NEDD9: variants seen among roughly 807,000 people sequenced by gnomAD.
NEDD9 encodes the protein neural precursor cell expressed, developmentally down-regulated 9, also known as enhancer of filamentation 1.
Under a neutral mutation model 76.6 loss-of-function variants are expected in NEDD9, and 26 were observed. The observed-to-expected ratio is 0.34, with a 90% CI of 0.25 to 0.47. NEDD9 has a LOEUF of 0.47. NEDD9 is among the 20% of genes least tolerant of loss of function. The probability of loss-of-function intolerance (pLI) is 1.00; values close to 1 mark genes in which losing one functional copy is unlikely to be tolerated. For missense variants in NEDD9, 937 were observed against 1,058.5 expected, an observed-to-expected ratio of 0.89 and a Z score of 1.59; for synonymous variants, 392 against 414.2, an observed-to-expected ratio of 0.95 and a Z score of 0.65.
chr6:11,348,579 C>T (rs913715228), intron 1 of NEDD9, among the ~76,000 whole-genome samples: 9 of 152,128 alleles, frequency 5.9e-5, no homozygotes, highest in Admixed American at 3.9e-4. Context: ...AAAACAGACA[C>T]GCAGGCCAAT....
At chr6:11,308,665 G>A (rs957494485) in intron 2 of NEDD9, among the ~76,000 whole-genome samples, 1 of 152,034 alleles carries the variant, frequency 6.6e-6, no homozygotes, top group African/African-American at 2.4e-5. Flanking sequence ...CACCGCGCCC[G>A]GCCGGGACAT....
chr6:11,309,997 G>T (rs1239474448), intron 2 of NEDD9, among the ~76,000 whole-genome samples: 1 of 151,926 alleles, frequency 6.6e-6, no homozygotes, highest in Non-Finnish European at 1.5e-5. Context: ...CTGATCCAGG[G>T]GATACATCGA....
intron 1 of NEDD9, among the ~76,000 whole-genome samples, chr6:11,226,164 C>A (rs531422069): frequency 6.6e-6 from 1 of 152,278 alleles, no homozygotes; most frequent in East Asian, 1.9e-4. Context: ...GTGGAATCCT[C>A]ATTAGCCAGC....
At chr6:11,359,598 C>T (rs1002057095) in intron 1 of NEDD9, among the ~76,000 whole-genome samples, 29 of 152,254 alleles carry the variant, frequency 1.9e-4, no homozygotes, top group African/African-American at 7.0e-4. Context: ...TTCTAGACAT[C>T]TTCCTTTAGA....
intron 1 of NEDD9, among the ~76,000 whole-genome samples, chr6:11,359,662 T>C (rs977290976): frequency 2.0e-5 from 3 of 152,262 alleles, no homozygotes; most frequent in Non-Finnish European, 2.9e-5. Context: ...CCGCCATGGT[T>C]AAGGCAGAAT....
chr6:11,373,967 C>A (rs533689934), intron 1 of NEDD9, among the ~76,000 whole-genome samples: 2 of 152,186 alleles, frequency 1.3e-5, no homozygotes, highest in Non-Finnish European at 2.9e-5. Context: ...CTTCCCTGAT[C>A]TCCAGCTTGC....
At chr6:11,357,450 A>G (rs1485802445) in intron 1 of NEDD9, among the ~76,000 whole-genome samples, 1 of 152,188 alleles carries the variant, frequency 6.6e-6, no homozygotes, top group Non-Finnish European at 1.5e-5. Context: ...TCTCAAGGCT[A>G]GGCACACCCC....
chr6:11,366,557 GC>G (rs1762774959), intron 1 of NEDD9, among the ~76,000 whole-genome samples: 1 of 152,280 alleles, frequency 6.6e-6, no homozygotes, highest in African/African-American at 2.4e-5. Flanking sequence ...TCATGGGATA[GC>G]CATTAGAGGT....
chr6:11,233,017 G>A (rs1454984040), upstream of NEDD9, among the ~76,000 whole-genome samples: 2 of 152,050 alleles, frequency 1.3e-5, no homozygotes, highest in African/African-American at 4.8e-5. Flanking sequence ...CTGTGACCTA[G>A]CAACTCCTTC....
At chr6:11,210,467 C>T (rs1758751329) in intron 2 of NEDD9, among the ~76,000 whole-genome samples, 1 of 152,030 alleles carries the variant, frequency 6.6e-6, no homozygotes. Flanking sequence ...AGAAAATGAG[C>T]AAATTGCTTT....
At chr6:11,346,483 C>CG (rs553798124) in intron 1 of NEDD9, among the ~76,000 whole-genome samples, 2 of 151,382 alleles carry the variant, frequency 1.3e-5, no homozygotes, top group Admixed American at 6.6e-5. Context: ...GGAGGCCCCC[C>CG]CCCCCGAGGT....
chr6:11,281,697 A>T (rs981017530), intron 3 of NEDD9, among the ~76,000 whole-genome samples: 1 of 152,006 alleles, frequency 6.6e-6, no homozygotes, highest in Admixed American at 6.5e-5. Flanking sequence ...TTGGTCCTTG[A>T]TATGTTTGAG....
intron 2 of NEDD9, among the ~76,000 whole-genome samples, chr6:11,307,631 A>ATT (rs1415495206): frequency 4.6e-5 from 7 of 152,054 alleles, no homozygotes; most frequent in Admixed American, 4.6e-4. Flanking sequence ...AGTACCAGAA[A>ATT]TTATATATAT....
At chr6:11,343,617 G>A (rs1420683535) in intron 1 of NEDD9, among the ~76,000 whole-genome samples, 1 of 152,166 alleles carries the variant, frequency 6.6e-6, no homozygotes, top group Non-Finnish European at 1.5e-5. Flanking sequence ...TATGTTCAGA[G>A]CTGTGGACCA....
Position 11,213,583 on chromosome 6 carries a change from C to T in NEDD9, c.157G>A (p.Gly53Ser), listed in dbSNP as rs758873764. ...TTCACCCGGTTGCCTGGGACAATGC[C>T]TTGCCGACCGTGTAATGAGCACAGC... ...WWLCSLHGRQ[G>S]IVPGNRVKLL... Residue 53 changes from glycine to serine, a missense_variant, in exon 2 of 7, where the codon GGC becomes AGC. Coordinates refer to ENST00000379446, the MANE Select transcript of NEDD9 (RefSeq NM_006403.4). This position sits in a 1 kb window ranked among gnomAD's most constrained non-coding sequence, Gnocchi z 5.4. The T allele has an allele frequency of 6.2e-7, 1 of 1,614,166 alleles. No homozygotes were observed. The highest frequency in any genetic ancestry group is 1.1e-5 in the South Asian group (1 of 91,074).
rs7766295 is a variant in NEDD9 at position 11,256,267 on chromosome 6, G to T, written c.13-42540C>A. ...CCTGCCAAGGCAGGGCCCCCATCTG[G>T]CTGGAATCTTCCCGGCGAGACCTTC... On this transcript the variant is annotated intron_variant, in intron 3 of 3. Coordinates refer to the NEDD9 transcript ENST00000397378. 4.1e-3 allele frequency among the ~76,000 whole-genome samples: 626 copies of T among 152,288 alleles called. 7 individuals carry two copies. Among genetic ancestry groups the T allele is most frequent in the African/African-American group, 0.014 (599 of 41,560 alleles).
chr6:11,302,087 T>A (rs959923789), intron 3 of NEDD9, among the ~76,000 whole-genome samples: 2 of 151,626 alleles, frequency 1.3e-5, no homozygotes, highest in African/African-American at 2.4e-5. Context: ...GCTGTTTTTT[T>A]AAAAAGATCA....
rs1283928237 is a variant in NEDD9 at position 11,294,306 on chromosome 6, C to T, written c.12+11686G>A. On this transcript the variant is annotated intron_variant, in intron 3 of 3. Transcript: ENST00000397378. ...ATATGGTTTGGCTCTATGTCTCTAC[C>T]CAAATCTCATGTTGAATTGTGATCT... 2.6e-5 allele frequency among the ~76,000 whole-genome samples: 4 copies of T among 152,086 alleles called. No homozygotes were observed. In the South Asian group the frequency reaches 6.2e-4, roughly 24 times the overall value.
intron 1 of NEDD9, among the ~76,000 whole-genome samples, chr6:11,355,142 A>G (rs1762542517): frequency 6.6e-6 from 1 of 152,192 alleles, no homozygotes; most frequent in African/African-American, 2.4e-5. Flanking sequence ...GAAAATGCAT[A>G]TGGTATGGTG....
Sources: allele counts gnomAD v4.1 joint callset (sites outside exome capture counted in the v4.1 genomes callset), GRCh38; gene constraint gnomAD v4.1.1; non-coding constraint Gnocchi (gnomAD v3.1); transcripts MANE v1.5; gene names NCBI Gene and HGNC (gene_info 2026-07-23, HGNC 2026-07-21).